The following PTPRZ1 variants were observed in gnomAD, a reference collection of about 807,000 sequenced individuals.
The protein encoded by PTPRZ1 is receptor-type tyrosine-protein phosphatase zeta.
A neutral mutation model predicts 214.1 loss-of-function variants in PTPRZ1; 82 were observed. The observed-to-expected ratio is 0.38, with a 90% CI of 0.32 to 0.46. The LOEUF (loss-of-function observed/expected upper bound fraction) is 0.46. Ranked by LOEUF, PTPRZ1 falls within the 20% of genes least tolerant of loss-of-function variation. PTPRZ1 has a pLI of 1.00. For missense variants in PTPRZ1, 2,603 were observed against 2,748.7 expected, an observed-to-expected ratio of 0.95 and a Z score of 1.19; for synonymous variants, 945 against 987.9, an observed-to-expected ratio of 0.96 and a Z score of 0.81.
At chr7:121,906,077 T>C (rs1036058053) in intron 1 of PTPRZ1, among the ~76,000 whole-genome samples, 3 of 152,176 alleles carry the variant, frequency 2.0e-5, no homozygotes, top group African/African-American at 7.2e-5. Context: ...AATGTTTCAG[T>C]GGTACTTTTT....
In PTPRZ1 at chr7:122,012,485, A is replaced by G; in HGVS notation, c.3439A>G (p.Asn1147Asp). ...DTSLKPVLSA[N>D]SEPASSDPAS... ...TTCGCTTAAACCTGTGCTTAGTGCA[A>G]ACTCAGAGCCAGCATCCTCTGACCC... Residue 1147 changes from asparagine to aspartate, a missense_variant, in exon 12 of 30, where the codon AAC becomes GAC. Asn to Asp is a conservative substitution (Grantham distance 23). Coordinates refer to ENST00000393386, the MANE Select transcript of PTPRZ1 (RefSeq NM_002851.3). The G allele has an allele frequency of 1.2e-6, 2 of 1,614,070 alleles. No homozygotes were observed. Among genetic ancestry groups the G allele is most frequent in the South Asian group, 1.1e-5 (1 of 91,072 alleles).
intron 11 of PTPRZ1, among the ~76,000 whole-genome samples, chr7:122,006,019 C>A (rs913137999): frequency 6.6e-6 from 1 of 152,062 alleles, no homozygotes; most frequent in Non-Finnish European, 1.5e-5. Context: ...TATTTAAAAT[C>A]TTCCAATGTT....
chr7:121,887,338 G>A (rs773098663), intron 1 of PTPRZ1, among the ~76,000 whole-genome samples: 4 of 152,000 alleles, frequency 2.6e-5, no homozygotes, highest in Non-Finnish European at 4.4e-5. Context: ...AATGTTAAAC[G>A]TTGCTACCAC....
intron 22 of PTPRZ1, among the ~76,000 whole-genome samples, chr7:122,043,061 A>G (rs1799780521): frequency 6.6e-6 from 1 of 152,166 alleles, no homozygotes; most frequent in African/African-American, 2.4e-5. Context: ...TCCTCCTCTT[A>G]TAAGCATACC....
chr7:121,878,961 T>A (rs1794147402), intron 1 of PTPRZ1, among the ~76,000 whole-genome samples: 1 of 152,166 alleles, frequency 6.6e-6, no homozygotes, highest in African/African-American at 2.4e-5. Flanking sequence ...GATTATGATC[T>A]CAGTCCGGGA....
intron 1 of PTPRZ1, among the ~76,000 whole-genome samples, chr7:121,889,605 CA>C (rs1347397609): frequency 1.3e-5 from 2 of 151,900 alleles, no homozygotes; most frequent in Admixed American, 1.3e-4. Flanking sequence ...AAAACAAAAC[CA>C]AAAACTCCTC....
At position 121,873,413 on chromosome 7, in the gene PTPRZ1, CAA is replaced by C. The variant is rs373553794; in HGVS notation, c.-80_-79del. On this transcript the variant is annotated 5_prime_UTR_variant, in exon 1 of 30. Coordinates refer to ENST00000393386, the MANE Select transcript of PTPRZ1 (RefSeq NM_002851.3). ...ACACTGGAGGATTAAAACAAACAAACAAAAAAAACATTTCCTTCGCTCCCCCT... is the reference window on the plus strand; with the variant it reads ...ACACTGGAGGATTAAAACAAACAAACAAAAAACATTTCCTTCGCTCCCCCT... The C allele has an allele frequency of 3.8e-5, 53 of 1,383,144 alleles. No individual in the cohort carries two copies. The Admixed American group carries it at 1.0e-3, about 26-fold the overall frequency. The allele number at this position is 1,383,144 out of a possible 1,614,324, so 85.7% of individuals were successfully genotyped here. A position where few individuals can be genotyped will look rare whatever the true frequency, so the allele number is the denominator to read the frequency against.
intron 17 of PTPRZ1, among the ~76,000 whole-genome samples, chr7:122,035,006 T>G (rs1244291258): frequency 6.6e-6 from 1 of 152,178 alleles, no homozygotes; most frequent in Non-Finnish European, 1.5e-5. Context: ...TGGTTGCATT[T>G]GTTCCCTCTT....
intron 12 of PTPRZ1, among the ~76,000 whole-genome samples, chr7:122,015,362 G>A (rs189871649): frequency 6.6e-5 from 10 of 152,130 alleles, no homozygotes; most frequent in Admixed American, 6.5e-4. Flanking sequence ...TCCTCTTTGC[G>A]ATTTCATCTT....
At chr7:121,964,989 C>A (rs144103735) in intron 2 of PTPRZ1, among the ~76,000 whole-genome samples, 1 of 152,256 alleles carries the variant, frequency 6.6e-6, no homozygotes, top group Non-Finnish European at 1.5e-5. Context: ...TTGGCCATAA[C>A]AAGGAGCTCA....
chr7:121,983,140 A>G (rs1797663822), intron 6 of PTPRZ1, among the ~76,000 whole-genome samples: 1 of 152,170 alleles, frequency 6.6e-6, no homozygotes, highest in African/African-American at 2.4e-5. Context: ...TTCCTATACA[A>G]TCTTAAGATT....
intron 2 of PTPRZ1, among the ~76,000 whole-genome samples, chr7:121,963,680 C>G (rs1411366751): frequency 6.6e-6 from 1 of 152,042 alleles, no homozygotes; most frequent in Admixed American, 6.6e-5. Context: ...AATATGCATG[C>G]TCTCTAGAAG....
At position 121,972,361 on chromosome 7, in the gene PTPRZ1, A is replaced by G. The variant is rs1333200734; in HGVS notation, c.305-180A>G. Among the ~76,000 whole-genome samples, 4 of 152,178 alleles carry G rather than the reference A, an allele frequency of 2.6e-5. No individual in the cohort carries two copies. The South Asian group carries it at 6.2e-4, about 24-fold the overall frequency. On this transcript the variant is annotated intron_variant, in intron 3 of 29. Transcript: ENST00000393386. ...TTCAGCTTAGTTTGCATTTGTGGCAATAAGATATAAGTATATTGTGCAGAC... is the reference window on the plus strand; with the variant it reads ...TTCAGCTTAGTTTGCATTTGTGGCAGTAAGATATAAGTATATTGTGCAGAC...
intron 8 of PTPRZ1, among the ~76,000 whole-genome samples, chr7:121,987,843 A>G (rs530370428): frequency 6.6e-6 from 1 of 152,338 alleles, no homozygotes; most frequent in East Asian, 1.9e-4. Context: ...ACACAGTCAT[A>G]AAAAATGAAA....
rs1276891852 is a variant in PTPRZ1, at chr7:121,936,638, GTCTA to G, written c.124+8422_124+8425del. Among the ~76,000 whole-genome samples the G allele has an allele frequency of 5.3e-5, 8 of 152,262 alleles. No individual in the cohort carries two copies. In the East Asian group the frequency reaches 1.5e-3, roughly 29 times the overall value. The stretch of plus-strand genomic sequence containing the variant: ...AACACATCGAGGTTTGGGTGTGAGA[GTCTA>G]TCTAACTACAGATGACTAAAGTACA... On this transcript the variant is annotated intron_variant, in intron 2 of 29. Coordinates refer to ENST00000393386, the MANE Select transcript of PTPRZ1 (RefSeq NM_002851.3).
chr7:121,987,620 T>C (rs1797797553), intron 8 of PTPRZ1, among the ~76,000 whole-genome samples: 1 of 152,236 alleles, frequency 6.6e-6, no homozygotes. Context: ...TGAGATGGTA[T>C]CTCATTGTGG....
At chr7:121,914,301 C>A (rs760545471) in intron 1 of PTPRZ1, among the ~76,000 whole-genome samples, 7 of 152,124 alleles carry the variant, frequency 4.6e-5, no homozygotes, top group Non-Finnish European at 1.0e-4. Flanking sequence ...AACATTACTT[C>A]TTTTTTTAAG....
chr7:121,903,918 A>T (rs1795040246), intron 1 of PTPRZ1, among the ~76,000 whole-genome samples: 1 of 151,660 alleles, frequency 6.6e-6, no homozygotes, highest in Admixed American at 6.6e-5. Flanking sequence ...GTGATTTGCT[A>T]AAAGTTAATC....
intron 10 of PTPRZ1, among the ~76,000 whole-genome samples, chr7:122,002,858 A>G (rs913618741): frequency 1.3e-5 from 2 of 152,182 alleles, no homozygotes; most frequent in Non-Finnish European, 2.9e-5. Flanking sequence ...ATGATTTGCC[A>G]TTATGAGCAT....
Sources: gnomAD v4.1 joint callset for allele counts (sites outside exome capture counted in the v4.1 genomes callset) on GRCh38, gnomAD v4.1.1 for gene constraint, MANE v1.5 for transcripts, NCBI Gene and HGNC (gene_info 2026-07-23, HGNC 2026-07-21) for gene names.